The following ANGPT1 variants were observed in gnomAD, a reference collection of about 807,000 sequenced individuals.
The protein encoded by ANGPT1 is angiopoietin 1, also known as angiopoietin-1.
Under a neutral mutation model 62.2 loss-of-function variants are expected in ANGPT1, and 17 were observed. The ratio of observed to expected loss-of-function variants is 0.27; its 90% CI spans 0.19 to 0.41. The LOEUF is 0.41. ANGPT1 is among the 10% of genes least tolerant of loss of function. The pLI is 1.00. For missense variants in ANGPT1, 478 were observed against 594.9 expected (o/e 0.80, Z 2.04); for synonymous variants, 199 against 198.9 (o/e 1.00, Z 0.00).
intron 3 of ANGPT1, among the ~76,000 whole-genome samples, chr8:107,325,473 C>T (rs1300171374): frequency 2.6e-5 from 4 of 152,096 alleles, no homozygotes; most frequent in African/African-American, 7.2e-5. Flanking sequence ...AAAATTTGAA[C>T]GTTATAGTCA....
chr8:107,261,011 A>G (rs1428561827), intron 8 of ANGPT1, among the ~76,000 whole-genome samples: 1 of 152,124 alleles, frequency 6.6e-6, no homozygotes, highest in Non-Finnish European at 1.5e-5. Context: ...ATATTGGAAT[A>G]CTCTTCTAAG....
intron 7 of ANGPT1, among the ~76,000 whole-genome samples, chr8:107,272,044 A>G (rs989921114): frequency 1.3e-4 from 20 of 151,984 alleles, no homozygotes; most frequent in African/African-American, 4.6e-4. Flanking sequence ...AGGGAACTGG[A>G]TAATTGGGAA....
At chr8:107,445,823 T>C (rs1811601401) in intron 1 of ANGPT1, among the ~76,000 whole-genome samples, 1 of 152,154 alleles carries the variant, frequency 6.6e-6, no homozygotes, top group Non-Finnish European at 1.5e-5. Context: ...AGAAACCACA[T>C]ATATGATTTT....
In ANGPT1 at chr8:107,271,904, TAAA is replaced by T. The variant is rs35257524; in HGVS notation, c.1206-7556_1206-7554del. On this transcript the variant is annotated intron_variant, in intron 7 of 8. Transcript: ENST00000517746. Reference sequence around the variant, plus strand: ...TTTCTTTACTCATAATTGATACTGGTAAAAAAAAAAAAAAAAAAAATTCCTGGA... The same window carrying T: ...TTTCTTTACTCATAATTGATACTGGTAAAAAAAAAAAAAAAAATTCCTGGA... Among the ~76,000 whole-genome samples the T allele has an allele frequency of 4.5e-3, 624 of 138,212 alleles. 2 individuals are homozygous for T. Among genetic ancestry groups the T allele is most frequent in the Admixed American group, 0.014 (187 of 13,756 alleles). 90.7% of individuals were successfully genotyped at this position (138,212 alleles called of 152,430 possible).
intron 1 of ANGPT1, among the ~76,000 whole-genome samples, chr8:107,403,764 C>G (rs1299025567): frequency 6.6e-6 from 1 of 151,812 alleles, no homozygotes; most frequent in African/African-American, 2.4e-5. Flanking sequence ...CAATTTAATT[C>G]AAAGGGAAAA....
At chr8:107,281,520 T>C (rs1281283561) in intron 7 of ANGPT1, among the ~76,000 whole-genome samples, 1 of 152,186 alleles carries the variant, frequency 6.6e-6, no homozygotes, top group Non-Finnish European at 1.5e-5. Context: ...GGCTCACTCC[T>C]GTAATCCCAG....
chr8:107,448,053 T>G (rs1477378508), intron 1 of ANGPT1, among the ~76,000 whole-genome samples: 4 of 152,156 alleles, frequency 2.6e-5, no homozygotes, highest in African/African-American at 9.7e-5. Flanking sequence ...TTTGTGTGAG[T>G]ACACAATCTC....
intron 1 of ANGPT1, among the ~76,000 whole-genome samples, chr8:107,359,735 A>G (rs1054648700): frequency 6.6e-6 from 1 of 152,218 alleles, no homozygotes; most frequent in African/African-American, 2.4e-5. Flanking sequence ...CAATTATGGT[A>G]AGTATATTCA....
intron 1 of ANGPT1, among the ~76,000 whole-genome samples, chr8:107,369,393 C>G (rs1816336225): frequency 6.6e-6 from 1 of 152,172 alleles, no homozygotes; most frequent in Non-Finnish European, 1.5e-5. Flanking sequence ...ATCCAAACTA[C>G]TAAAACTTTC....
At chr8:107,357,950 A>G (rs912673492) in intron 1 of ANGPT1, among the ~76,000 whole-genome samples, 4 of 152,154 alleles carry the variant, frequency 2.6e-5, no homozygotes, top group African/African-American at 9.7e-5. Flanking sequence ...CTTTTCATTT[A>G]TGCTACATCT....
At chr8:107,430,391 T>C (rs1019329323) in intron 1 of ANGPT1, among the ~76,000 whole-genome samples, 2 of 152,212 alleles carry the variant, frequency 1.3e-5, no homozygotes, top group African/African-American at 4.8e-5. Context: ...CTATCACTTT[T>C]GGTTCACATG....
At position 107,497,522 on chromosome 8, in the gene ANGPT1, T is replaced by C; in HGVS notation, c.37A>G (p.Ile13Val). Residue 13 changes from isoleucine to valine, a missense_variant, in exon 1 of 9, where the codon ATT becomes GTT. Ile to Val is a conservative substitution (Grantham distance 29). This residue lies in a region of ANGPT1 where 343 missense variants were observed against 355.4 expected (regional missense o/e 0.97). Transcript: ENST00000517746. ...TTGCTGCACCCTATGTGAGTCAGAATGGCAGCGAGGAAAGCAAAGGAAAGG... is the reference window on the plus strand; with the variant it reads ...TTGCTGCACCCTATGTGAGTCAGAACGGCAGCGAGGAAAGCAAAGGAAAGG... ...VFLSFAFLAA[I>V]LTHIGCSNQR... 2 of 1,614,106 alleles carry C rather than the reference T, an allele frequency of 1.2e-6. No homozygotes were observed. The highest frequency in any genetic ancestry group is 1.7e-6 in the Non-Finnish European group (2 of 1,180,000).
chr8:107,418,355 A>T (rs1810808230), intron 1 of ANGPT1, among the ~76,000 whole-genome samples: 1 of 152,168 alleles, frequency 6.6e-6, no homozygotes, highest in African/African-American at 2.4e-5. Flanking sequence ...GACACCATCA[A>T]CAAAATCTGT....
intron 1 of ANGPT1, among the ~76,000 whole-genome samples, chr8:107,427,670 C>A (rs1004460): frequency 0.14 from 21,169 of 152,204 alleles, 1,673 homozygotes; most frequent in Non-Finnish European, 0.19. Context: ...AAGGGAAGGT[C>A]TCTTTCTTCC....
At chr8:107,488,064 C>A (rs1812859895) in intron 1 of ANGPT1, among the ~76,000 whole-genome samples, 2 of 152,080 alleles carry the variant, frequency 1.3e-5, no homozygotes, top group African/African-American at 4.8e-5. Flanking sequence ...ATAGAATTTG[C>A]CGCTAATTAA....
At chr8:107,375,041 T>A (rs1816501250) in intron 1 of ANGPT1, among the ~76,000 whole-genome samples, 1 of 151,980 alleles carries the variant, frequency 6.6e-6, no homozygotes, top group African/African-American at 2.4e-5. Context: ...GCGCCTACAG[T>A]CCCAGCTACT....
At chr8:107,423,163 T>G (rs574743365) in intron 1 of ANGPT1, among the ~76,000 whole-genome samples, 1 of 152,156 alleles carries the variant, frequency 6.6e-6, no homozygotes, top group Non-Finnish European at 1.5e-5. Context: ...GGTAGGAGTA[T>G]TTACACCATG....
intron 1 of ANGPT1, among the ~76,000 whole-genome samples, chr8:107,394,501 C>T (rs1208419549): frequency 2.0e-5 from 3 of 152,060 alleles, no homozygotes; most frequent in Non-Finnish European, 4.4e-5. Context: ...GAGTTTATCC[C>T]AGAGGAGTTA....
Position 107,433,137 on chromosome 8 carries a change from A to G in ANGPT1, c.297+64125T>C, listed in dbSNP as rs534735159. ...TAAATAGTAGTTGAGATCATTGCCC[A>G]TTTGGTGTGGGTATAGGGGAAATTG... On this transcript the variant is annotated intron_variant, in intron 1 of 8. Transcript: ENST00000517746. Among the ~76,000 whole-genome samples, 18 of 152,190 alleles carry G rather than the reference A, an allele frequency of 1.2e-4. No homozygotes were observed. The South Asian group carries it at 3.5e-3, about 30-fold the overall frequency.
Sources: gnomAD v4.1 joint callset for allele counts (sites outside exome capture counted in the v4.1 genomes callset) on GRCh38, gnomAD v4.1.1 for gene constraint, gnomAD v4.1.1 regional missense constraint, MANE v1.5 for transcripts, NCBI Gene and HGNC (gene_info 2026-07-23, HGNC 2026-07-21) for gene names.